Variants in NOL10 observed in about 807,000 individuals in gnomAD.
NOL10 encodes the protein nucleolar protein 10.
NOL10 carries 58 observed loss-of-function variants against 103.5 expected under a neutral mutation model. The ratio of observed to expected loss-of-function variants is 0.56; its 90% CI spans 0.45 to 0.70. NOL10 has a LOEUF of 0.70. NOL10 is among the 30% of genes least tolerant of loss of function. The pLI is 0.00. For synonymous variants in NOL10, 287 were observed against 282.5 expected, an observed-to-expected ratio of 1.02 and a Z score of -0.16; for missense variants, 763 against 807.3, an observed-to-expected ratio of 0.95 and a Z score of 0.67.
rs1394543228 is a variant in NOL10, at chr2:10,621,955, G to A, written c.1027-14644C>T. 6 of 419,666 alleles carry A rather than the reference G, an allele frequency of 1.4e-5. No homozygotes were observed. In the East Asian group the frequency reaches 2.1e-4, roughly 15 times the overall value. 26.0% of individuals were successfully genotyped at this position (419,666 alleles called of 1,614,324 possible). On this transcript the variant is annotated intron_variant, in intron 13 of 20. Transcript: ENST00000381685. ...AGGCAGCCACTAAGCCACCTGTGGC[G>A]ATTTAAGTTAAAATTAATTAAATGA... is the stretch of plus-strand genomic sequence containing the variant.
chr2:10,579,858 T>C (rs1008800544), intron 19 of NOL10, among the ~76,000 whole-genome samples: 3 of 152,156 alleles, frequency 2.0e-5, no homozygotes, highest in Admixed American at 6.6e-5. Context: ...AAACACTAAT[T>C]TAGGAAGAAA....
intron 12 of NOL10, among the ~76,000 whole-genome samples, chr2:10,645,891 C>G (rs1385323644): frequency 6.6e-6 from 1 of 151,588 alleles, no homozygotes; most frequent in Non-Finnish European, 1.5e-5. Flanking sequence ...TAGCCCTGAA[C>G]TGGGACCAAC....
intron 8 of NOL10, among the ~76,000 whole-genome samples, chr2:10,666,282 T>G (rs1268028031): frequency 6.6e-6 from 1 of 152,174 alleles, no homozygotes; most frequent in Non-Finnish European, 1.5e-5. Flanking sequence ...AAAAAAACCA[T>G]TAATTCCATC....
At chr2:10,625,261 TA>T (rs1237416878) in intron 13 of NOL10, among the ~76,000 whole-genome samples, 1 of 152,144 alleles carries the variant, frequency 6.6e-6, no homozygotes, top group Non-Finnish European at 1.5e-5. Flanking sequence ...GACTCTAATG[TA>T]AACTATGAAC....
chr2:10,651,783 C>A (rs982564114), intron 12 of NOL10, among the ~76,000 whole-genome samples: 1 of 152,122 alleles, frequency 6.6e-6, no homozygotes, highest in African/African-American at 2.4e-5. Context: ...ATTTCAATAC[C>A]CTAACTAGGA....
intron 3 of NOL10, among the ~76,000 whole-genome samples, chr2:10,677,961 G>GCACA (rs60219622): frequency 0.011 from 1,592 of 149,040 alleles, 32 homozygotes; most frequent in African/African-American, 0.031. Context: ...AATTTTATGT[G>GCACA]CACACACACA....
intron 19 of NOL10, among the ~76,000 whole-genome samples, chr2:10,585,175 C>T (rs1674960005): frequency 6.6e-6 from 1 of 152,200 alleles, no homozygotes; most frequent in East Asian, 1.9e-4. Flanking sequence ...ATTCTAAGTA[C>T]TTATTCAAGA....
At chr2:10,633,980 C>G (rs1375991921) in intron 13 of NOL10, among the ~76,000 whole-genome samples, 1 of 152,044 alleles carries the variant, frequency 6.6e-6, no homozygotes, top group Non-Finnish European at 1.5e-5. Context: ...ACACATGTCA[C>G]CACACCTGGT....
intron 12 of NOL10, among the ~76,000 whole-genome samples, chr2:10,645,295 T>TA (rs1322350837): frequency 1.3e-5 from 2 of 152,178 alleles, no homozygotes; most frequent in East Asian, 3.8e-4. Context: ...AATCTATTTG[T>TA]AAGATACAAG....
intron 13 of NOL10, among the ~76,000 whole-genome samples, chr2:10,627,748 G>C (rs751992424): frequency 6.6e-6 from 1 of 151,420 alleles, no homozygotes; most frequent in Non-Finnish European, 1.5e-5. Flanking sequence ...TGGAGAGAGA[G>C]GGAGGGAGGG....
intron 19 of NOL10, among the ~76,000 whole-genome samples, chr2:10,581,318 C>T (rs377483802): frequency 4.6e-5 from 7 of 152,112 alleles, no homozygotes; most frequent in Non-Finnish European, 7.3e-5. Flanking sequence ...ACTAGGAATA[C>T]GCTTTAAAGA....
intron 13 of NOL10, among the ~76,000 whole-genome samples, chr2:10,636,332 C>CT (rs927318130): frequency 2.1e-5 from 3 of 145,932 alleles, no homozygotes; most frequent in Admixed American, 7.2e-5. Context: ...TCCCAACACT[C>CT]TAAGAGGCCG....
chr2:10,654,904 T>C (rs1679723962), intron 11 of NOL10, among the ~76,000 whole-genome samples: 1 of 152,062 alleles, frequency 6.6e-6, no homozygotes, highest in African/African-American at 2.4e-5. Context: ...CCAGCTTAAC[T>C]TGTATTGAAA....
intron 9 of NOL10, 116 bp downstream of exon 9, chr2:10,662,843 A>G: frequency 1.3e-6 from 1 of 796,098 alleles, no homozygotes; most frequent in Non-Finnish European, 2.0e-6. Flanking sequence ...TATGAAAAAC[A>G]ATCATGGAAA....
intron 13 of NOL10, among the ~76,000 whole-genome samples, chr2:10,637,483 C>A (rs1322956646): frequency 1.3e-5 from 2 of 152,172 alleles, no homozygotes; most frequent in Non-Finnish European, 2.9e-5. Context: ...GATGTCTGCC[C>A]TAGCCCAGTG....
chr2:10,609,233 G>C (rs6432117), intron 13 of NOL10, among the ~76,000 whole-genome samples: 88,592 of 150,264 alleles, frequency 0.59, 27,105 homozygotes, highest in African/African-American at 0.74. Flanking sequence ...GCACTGAGTC[G>C]AAGGGGAAGA....
At chr2:10,596,882 A>T (rs1001390576) in intron 17 of NOL10, among the ~76,000 whole-genome samples, 9 of 152,230 alleles carry the variant, frequency 5.9e-5, no homozygotes, top group African/African-American at 1.9e-4. Context: ...CTCACAAATC[A>T]AACAGATCAC....
intron 20 of NOL10, among the ~76,000 whole-genome samples, chr2:10,575,299 G>T (rs1452373160): frequency 6.6e-6 from 1 of 152,140 alleles, no homozygotes; most frequent in African/African-American, 2.4e-5. Context: ...AATTTTAGGA[G>T]GTACATATGC....
At position 10,673,643 on chromosome 2, in the gene NOL10, C is replaced by T. The variant is rs984739095; in HGVS notation, c.290-86G>A. 4 of 915,956 alleles carry T rather than the reference C, an allele frequency of 4.4e-6. No individual in the cohort carries two copies. The African/African-American group carries it at 5.1e-5, about 12-fold the overall frequency. 56.7% of individuals were successfully genotyped at this position (915,956 alleles called of 1,614,324 possible). A position where few individuals can be genotyped will look rare whatever the true frequency, so the allele number is the denominator to read the frequency against. On this transcript the variant is annotated intron_variant, in intron 4 of 20. Coordinates refer to ENST00000381685, the MANE Select transcript of NOL10 (RefSeq NM_024894.4). The stretch of plus-strand genomic sequence containing the variant: ...ACCTGATGCAAAGATTCTAATTCAA[C>T]ACAGAAATTATATACATACCAGTTT...
Sources: allele counts gnomAD v4.1 joint callset (sites outside exome capture counted in the v4.1 genomes callset), GRCh38; gene constraint gnomAD v4.1.1; transcripts MANE v1.5; gene names NCBI Gene and HGNC (gene_info 2026-07-23, HGNC 2026-07-21).